The following DCDC1 variants were observed in gnomAD, a reference collection of about 807,000 sequenced individuals.
DCDC1 encodes the protein doublecortin domain-containing protein 1.
DCDC1 carries 200 observed loss-of-function variants against 178.3 expected under a neutral mutation model. The ratio of observed to expected loss-of-function variants is 1.12; its 90% CI spans 1.00 to 1.26. DCDC1 has a LOEUF of 1.26. DCDC1 is among the 50% of genes most tolerant of loss of function. DCDC1 has a pLI of 0.00. For missense variants in DCDC1, 1,983 were observed against 1,749.2 expected, an observed-to-expected ratio of 1.13 and a Z score of -2.38; for synonymous variants, 690 against 604.8, an observed-to-expected ratio of 1.14 and a Z score of -2.07.
intron 9 of DCDC1, among the ~76,000 whole-genome samples, chr11:31,225,691 T>TTATATATATATATCTAGGTAGA (rs1565464136): frequency 2.7e-5 from 4 of 147,496 alleles, no homozygotes; most frequent in Non-Finnish European, 5.9e-5. Flanking sequence ...GGAAGAAAAA[T>TTATATATATATATCTAGGTAGA]TATATATATA....
At position 30,943,655 on chromosome 11, in the gene DCDC1, C is replaced by T. The variant is rs1278993793; in HGVS notation, c.2715+8790G>A. The T allele has an allele frequency of 1.1e-5, 5 of 452,058 alleles. No individual in the cohort carries two copies. The East Asian group carries it at 3.5e-4, about 32-fold the overall frequency. 28.0% of individuals were successfully genotyped at this position (452,058 alleles called of 1,614,324 possible). ...TAGAGTGAGAAAATAACTTGAGTTCCTCTAATTTTTTCCAGTGAACTTAGT... is the reference window on the plus strand; with the variant it reads ...TAGAGTGAGAAAATAACTTGAGTTCTTCTAATTTTTTCCAGTGAACTTAGT... On this transcript the variant is annotated intron_variant, in intron 21 of 38. Coordinates refer to ENST00000684477, the MANE Select transcript of DCDC1 (RefSeq NM_001387274.1).
chr11:31,325,085 T>C (rs1299012799), intron 3 of DCDC1, among the ~76,000 whole-genome samples: 6 of 152,160 alleles, frequency 3.9e-5, no homozygotes, highest in Admixed American at 2.6e-4. Context: ...TGATAATTGG[T>C]TGAAAATCAT....
intron 20 of DCDC1, among the ~76,000 whole-genome samples, chr11:30,979,607 C>T (rs553192786): frequency 6.6e-6 from 1 of 152,218 alleles, no homozygotes; most frequent in South Asian, 2.1e-4. Flanking sequence ...TAATTTTTCA[C>T]ACTTATCATT....
chr11:31,292,041 C>T (rs1375568066), intron 6 of DCDC1, among the ~76,000 whole-genome samples: 1 of 152,012 alleles, frequency 6.6e-6, no homozygotes, highest in Non-Finnish European at 1.5e-5. Flanking sequence ...CTCTCTGTTA[C>T]CCACACACAT....
chr11:30,929,774 C>G (rs1946817771), intron 22 of DCDC1, among the ~76,000 whole-genome samples: 1 of 151,950 alleles, frequency 6.6e-6, no homozygotes, highest in African/African-American at 2.4e-5. Flanking sequence ...TTCTGAGAGA[C>G]AAAATTTGCC....
chr11:31,097,987 T>C (rs1372500732), intron 15 of DCDC1, among the ~76,000 whole-genome samples: 1 of 152,160 alleles, frequency 6.6e-6, no homozygotes, highest in Admixed American at 6.6e-5. Flanking sequence ...TATACCATAA[T>C]TCCAAAATTA....
intron 10 of DCDC1, among the ~76,000 whole-genome samples, chr11:31,132,716 A>G (rs567913220): frequency 3.9e-5 from 6 of 152,278 alleles, no homozygotes; most frequent in African/African-American, 1.4e-4. Context: ...AGTCCCATTC[A>G]CAAAAGAAGG....
intron 20 of DCDC1, among the ~76,000 whole-genome samples, chr11:31,011,063 A>C (rs1182501211): frequency 6.6e-6 from 1 of 152,198 alleles, no homozygotes; most frequent in African/African-American, 2.4e-5. Context: ...TTAAAAATTT[A>C]GTGAGGTAAT....
intron 8 of DCDC1, among the ~76,000 whole-genome samples, chr11:31,257,735 TACAC>T (rs1565507139): frequency 8.5e-6 from 1 of 117,466 alleles, no homozygotes; most frequent in Non-Finnish European, 1.9e-5. Context: ...CACACACACA[TACAC>T]ACACGCTAAA....
intron 7 of DCDC1, among the ~76,000 whole-genome samples, chr11:31,267,696 C>T (rs1370159137): frequency 6.6e-6 from 1 of 152,160 alleles, no homozygotes; most frequent in East Asian, 1.9e-4. Context: ...ACCTAGGACC[C>T]CCATCCCATG....
intron 6 of DCDC1, among the ~76,000 whole-genome samples, chr11:31,302,280 T>C (rs1391588390): frequency 6.6e-6 from 1 of 152,204 alleles, no homozygotes; most frequent in East Asian, 1.9e-4. Flanking sequence ...ATAAAGGAAC[T>C]GAACTCTTAT....
chr11:31,171,701 C>T (rs1166803000), intron 9 of DCDC1, among the ~76,000 whole-genome samples: 1 of 152,182 alleles, frequency 6.6e-6, no homozygotes, highest in African/African-American at 2.4e-5. Flanking sequence ...TGACCTACCC[C>T]AATCACCAGG....
chr11:30,948,606 A>C (rs1243300407), intron 21 of DCDC1, among the ~76,000 whole-genome samples: 1 of 152,202 alleles, frequency 6.6e-6, no homozygotes, highest in East Asian at 1.9e-4. Context: ...TTCAAACTAT[A>C]CTACAAGGTT....
At chr11:30,990,576 C>T in intron 20 of DCDC1, among the ~76,000 whole-genome samples, 1 of 152,106 alleles carries the variant, frequency 6.6e-6, no homozygotes, top group East Asian at 1.9e-4. Context: ...AGGTGATCTA[C>T]AAGAGTGAAG....
chr11:31,143,476 A>T (rs1964089290), intron 9 of DCDC1, among the ~76,000 whole-genome samples: 1 of 152,164 alleles, frequency 6.6e-6, no homozygotes, highest in African/African-American at 2.4e-5. Flanking sequence ...AATGATTCAT[A>T]CTGGGAAGCA....
intron 1 of DCDC1, among the ~76,000 whole-genome samples, chr11:31,359,968 C>G (rs1951624168): frequency 6.6e-6 from 1 of 152,182 alleles, no homozygotes; most frequent in Non-Finnish European, 1.5e-5. Flanking sequence ...ATAATGGTAT[C>G]TGCCTTACCT....
intron 8 of DCDC1, among the ~76,000 whole-genome samples, chr11:31,258,074 A>C (rs766842805): frequency 5.9e-5 from 9 of 152,202 alleles, no homozygotes; most frequent in Non-Finnish European, 8.8e-5. Context: ...ATTGGAGAGA[A>C]AGATTGGTAT....
Position 31,016,030 on chromosome 11 carries a change from G to C in DCDC1, c.2591+48439C>G, listed in dbSNP as rs183646436. 2.8e-4 allele frequency among the ~76,000 whole-genome samples: 43 copies of C among 152,142 alleles called. 1 individual carries two copies. Among genetic ancestry groups the C allele is most frequent in the African/African-American group, 9.6e-4 (40 of 41,496 alleles). The stretch of plus-strand genomic sequence containing the variant: ...TATCTAGAGATTGAGGATTTAGAAG[G>C]GAAAACAAACTAAAGCACAATGAAA... On this transcript the variant is annotated intron_variant, in intron 20 of 38. Coordinates refer to ENST00000684477, the MANE Select transcript of DCDC1 (RefSeq NM_001387274.1).
chr11:31,047,199 C>T (rs1954896970), intron 20 of DCDC1, among the ~76,000 whole-genome samples: 1 of 152,022 alleles, frequency 6.6e-6, no homozygotes. Flanking sequence ...AATTGGAAAC[C>T]TCTTAAAGTC....
Sources: allele counts gnomAD v4.1 joint callset (sites outside exome capture counted in the v4.1 genomes callset), GRCh38; gene constraint gnomAD v4.1.1; transcripts MANE v1.5; gene names NCBI Gene and HGNC (gene_info 2026-07-23, HGNC 2026-07-21).